ERGIC1: variants seen among roughly 807,000 people sequenced by gnomAD.
ERGIC1 encodes the protein endoplasmic reticulum-golgi intermediate compartment 1.
Under a neutral mutation model 38.3 loss-of-function variants are expected in ERGIC1, and 19 were observed. That is an observed-to-expected ratio of 0.50 (90% CI 0.35 to 0.73). The LOEUF (loss-of-function observed/expected upper bound fraction) is 0.73. ERGIC1 is among the 30% of genes least tolerant of loss of function. ERGIC1 has a pLI of 0.01. For missense variants in ERGIC1, 294 were observed against 389.2 expected (o/e 0.76, Z 2.06); for synonymous variants, 124 against 157.6 (o/e 0.79, Z 1.60).
chr5:172,921,405 G>A (rs148689663), intron 5 of ERGIC1: 89 of 152,354 alleles, frequency 5.8e-4, no homozygotes, highest in African/African-American at 2.0e-3. Context: ...GCTCCACTGC[G>A]AGTTTGCTGA....
intron 9 of ERGIC1, among the ~76,000 whole-genome samples, chr5:172,939,934 G>A: frequency 6.6e-6 from 1 of 152,258 alleles, no homozygotes; most frequent in East Asian, 1.9e-4. Context: ...GGATGGAAGT[G>A]GAGGCACCTG....
chr5:172,920,371 AC>A, intron 5 of ERGIC1: 1 of 717,910 alleles, frequency 1.4e-6, no homozygotes, highest in African/African-American at 1.7e-5. Context: ...CAGGAAGTTG[AC>A]CAGCAGCCAG....
intron 1 of ERGIC1, among the ~76,000 whole-genome samples, chr5:172,856,502 C>T (rs146290423): frequency 1.1e-3 from 174 of 152,202 alleles, no homozygotes; most frequent in African/African-American, 3.9e-3. Flanking sequence ...AAGGGCTCTG[C>T]GGCCTGATGA....
rs1054858146 is a variant in ERGIC1, at chr5:172,927,379, G to GC, written c.541+817dup. ...CAAAGAAAACATCCCTCTGTGACCTGCCCCCCCGACAAATCGAACCTCATT... is the reference window on the plus strand; with the variant it reads ...CAAAGAAAACATCCCTCTGTGACCTGCCCCCCCCGACAAATCGAACCTCATT... On this transcript the variant is annotated intron_variant, in intron 7 of 9. Transcript: ENST00000393784. 9.2e-5 allele frequency among the ~76,000 whole-genome samples: 14 copies of GC among 152,074 alleles called. No individual in the cohort carries two copies. In the South Asian group the frequency reaches 1.5e-3, roughly 16 times the overall value.
chr5:172,915,305 T>A (rs1351286772), intron 5 of ERGIC1: 2 of 524,848 alleles, frequency 3.8e-6, no homozygotes, highest in East Asian at 7.0e-5. Context: ...GCACGTTCTG[T>A]GTTCCAGGGT....
chr5:172,866,768 T>C (rs1167713177), intron 1 of ERGIC1, among the ~76,000 whole-genome samples: 1 of 152,184 alleles, frequency 6.6e-6, no homozygotes, highest in African/African-American at 2.4e-5. Flanking sequence ...CAGTCTATTG[T>C]CTAGTGGAGG....
At chr5:172,944,916 C>T (rs1764089793) in intron 9 of ERGIC1, among the ~76,000 whole-genome samples, 2 of 152,352 alleles carry the variant, frequency 1.3e-5, no homozygotes, top group South Asian at 4.1e-4. Context: ...CCGGCTGACA[C>T]CCCTGAGCGA....
At chr5:172,898,166 G>C (rs2113317245) in intron 3 of ERGIC1, 1 of 327,656 alleles carries the variant, frequency 3.1e-6, no homozygotes, top group African/African-American at 2.1e-5. Flanking sequence ...TTTCACTAAT[G>C]GGATTTCTTG....
chr5:172,933,577 C>T (rs1227158703), intron 8 of ERGIC1: 1 of 152,216 alleles, frequency 6.6e-6, no homozygotes, highest in Admixed American at 6.5e-5. Context: ...GTCTGCCCAC[C>T]TGCGAGCTGC....
chr5:172,836,048 G>A (rs150357271), intron 1 of ERGIC1, among the ~76,000 whole-genome samples: 1 of 152,200 alleles, frequency 6.6e-6, no homozygotes, highest in Non-Finnish European at 1.5e-5. Flanking sequence ...GTGATTTTGA[G>A]CTTGCTGGGG....
chr5:172,909,636 A>G (rs1350938709), intron 3 of ERGIC1, 31 bp from the exon 4 acceptor site: 2 of 1,603,902 alleles, frequency 1.2e-6, no homozygotes, highest in South Asian at 1.1e-5. Flanking sequence ...CGCCATCTCA[A>G]CAAAGGTTCC....
At chr5:172,839,412 A>C (rs1761105920) in intron 1 of ERGIC1, among the ~76,000 whole-genome samples, 1 of 151,542 alleles carries the variant, frequency 6.6e-6, no homozygotes, top group Non-Finnish European at 1.5e-5. Context: ...TGGGGAAAAA[A>C]AAATGGCCAG....
chr5:172,835,621 G>A (rs964985756), intron 1 of ERGIC1, among the ~76,000 whole-genome samples: 2 of 152,200 alleles, frequency 1.3e-5, no homozygotes, highest in African/African-American at 4.8e-5. Context: ...CTTCTTGCAT[G>A]TGAAGGCAGT....
intron 1 of ERGIC1, among the ~76,000 whole-genome samples, chr5:172,844,868 G>A (rs553930721): frequency 3.9e-5 from 6 of 152,290 alleles, no homozygotes; most frequent in African/African-American, 7.2e-5. Flanking sequence ...CTTCGTCCCC[G>A]GGGTGTCTTT....
chr5:172,842,137 C>G (rs1335780289), intron 1 of ERGIC1, among the ~76,000 whole-genome samples: 2 of 152,210 alleles, frequency 1.3e-5, no homozygotes, highest in Non-Finnish European at 2.9e-5. Context: ...ACCTCCACTT[C>G]CCAGGTTCAA....
intron 1 of ERGIC1, 39 bp from the exon 2 acceptor site, chr5:172,888,660 T>G (rs779688310): frequency 2.5e-6 from 4 of 1,580,204 alleles, no homozygotes; most frequent in Admixed American, 1.7e-5. Context: ...GACCCACCCT[T>G]TGTGCCCACC....
intron 2 of ERGIC1, among the ~76,000 whole-genome samples, chr5:172,893,899 A>ATGTGTGTGTGTG (rs1156930879): frequency 7.7e-5 from 1 of 13,044 alleles, no homozygotes; most frequent in Admixed American, 1.9e-3. Flanking sequence ...ATATATATAT[A>ATGTGTGTGTGTG]TATATATGTG....
intron 5 of ERGIC1, 60 bp downstream of exon 5, chr5:172,914,898 C>A (rs1473296740): frequency 6.2e-7 from 1 of 1,610,280 alleles, no homozygotes; most frequent in East Asian, 2.2e-5. Context: ...TCTCCCCGCT[C>A]CCTGGAAACT....
At chr5:172,944,654 C>T (rs1023976902) in intron 9 of ERGIC1, among the ~76,000 whole-genome samples, 8 of 152,324 alleles carry the variant, frequency 5.3e-5, no homozygotes, top group East Asian at 1.9e-4. Context: ...CCGCCGCACC[C>T]GGCCAGTCTT....
Sources: allele counts gnomAD v4.1 joint callset (sites outside exome capture counted in the v4.1 genomes callset), GRCh38; gene constraint gnomAD v4.1.1; transcripts MANE v1.5; gene names NCBI Gene and HGNC (gene_info 2026-07-23, HGNC 2026-07-21).